Variants in ANKRD12 observed in about 807,000 individuals in gnomAD.
ANKRD12 encodes ankyrin repeat domain 12.
Under a neutral mutation model 183.4 loss-of-function variants are expected in ANKRD12, and 85 were observed. The observed-to-expected ratio is 0.46, with a 90% CI of 0.39 to 0.56. ANKRD12 has a LOEUF of 0.56. ANKRD12 is among the 20% of genes least tolerant of loss of function. ANKRD12 has a pLI of 0.00. For missense variants in ANKRD12, 2,405 were observed against 2,357.1 expected (o/e 1.02, Z -0.42); for synonymous variants, 914 against 800.2 (o/e 1.14, Z -2.40).
At chr18:9,161,285 T>G (rs2031376359) in intron 1 of ANKRD12, among the ~76,000 whole-genome samples, 1 of 152,200 alleles carries the variant, frequency 6.6e-6, no homozygotes, top group Non-Finnish European at 1.5e-5. Flanking sequence ...TCTGAAAACT[T>G]AGTTGTGAAA....
intron 4 of ANKRD12, among the ~76,000 whole-genome samples, chr18:9,206,162 A>T (rs1196403363): frequency 6.6e-6 from 1 of 152,088 alleles, no homozygotes; most frequent in African/African-American, 2.4e-5. Context: ...ATATTTTCTT[A>T]AAAAATCCCT....
intron 2 of ANKRD12, among the ~76,000 whole-genome samples, chr18:9,186,807 A>G (rs1598489254): frequency 1.5e-5 from 2 of 130,806 alleles, no homozygotes; most frequent in African/African-American, 3.0e-5. Flanking sequence ...GCCGGAGTGG[A>G]GTGGCGCGAT....
At chr18:9,232,817 A>C (rs1401828453) in intron 8 of ANKRD12, among the ~76,000 whole-genome samples, 2 of 142,210 alleles carry the variant, frequency 1.4e-5, no homozygotes, top group African/African-American at 5.3e-5. Context: ...TTCTTTCTTT[A>C]TTTTTGTCTG....
chr18:9,217,443 A>G (rs1164110322), intron 7 of ANKRD12, among the ~76,000 whole-genome samples: 1 of 152,198 alleles, frequency 6.6e-6, no homozygotes, highest in East Asian at 1.9e-4. Context: ...CTACATGTAA[A>G]TGCACATTGA....
chr18:9,270,814 A>T (rs1295837940), intron 10 of ANKRD12, among the ~76,000 whole-genome samples: 1 of 152,248 alleles, frequency 6.6e-6, no homozygotes, highest in African/African-American at 2.4e-5. Context: ...TAGAACTTTA[A>T]TAAAAAAATG....
At chr18:9,157,271 T>C (rs1375217710) in intron 1 of ANKRD12, among the ~76,000 whole-genome samples, 1 of 152,118 alleles carries the variant, frequency 6.6e-6, no homozygotes, top group Non-Finnish European at 1.5e-5. Context: ...CAAAATAACA[T>C]GAAGCCTATT....
intron 4 of ANKRD12, among the ~76,000 whole-genome samples, chr18:9,206,010 A>G (rs1028121978): frequency 6.6e-6 from 1 of 152,126 alleles, no homozygotes; most frequent in African/African-American, 2.4e-5. Flanking sequence ...GCAAGACCTA[A>G]AAAGAAAGCA....
intron 6 of ANKRD12, 119 bp from the exon 7 acceptor site, chr18:9,216,638 CT>C (rs1022513627): frequency 1.6e-3 from 1,524 of 941,002 alleles, no homozygotes; most frequent in South Asian, 2.3e-3. Context: ...TTCATCACTC[CT>C]TTTTTTTTGC....
chr18:9,203,278 T>C (rs1390843965), intron 3 of ANKRD12, among the ~76,000 whole-genome samples: 1 of 152,198 alleles, frequency 6.6e-6, no homozygotes, highest in African/African-American at 2.4e-5. Flanking sequence ...CACTAAACTT[T>C]TAGGCTTATC....
intron 8 of ANKRD12, among the ~76,000 whole-genome samples, chr18:9,228,844 C>T (rs1346527903): frequency 6.6e-6 from 1 of 150,854 alleles, no homozygotes; most frequent in African/African-American, 2.4e-5. Flanking sequence ...TTTTTGTTTC[C>T]TGTGCATTTG....
At chr18:9,279,428 A>G (rs2040005933) in intron 11 of ANKRD12, 121 bp from the exon 12 acceptor site, 2 of 629,506 alleles carry the variant, frequency 3.2e-6, no homozygotes, top group Non-Finnish European at 5.6e-6. Flanking sequence ...CAATTTATAT[A>G]TTTCTCAAAA....
chr18:9,237,540 T>C (rs1277318002), intron 8 of ANKRD12, among the ~76,000 whole-genome samples: 1 of 152,220 alleles, frequency 6.6e-6, no homozygotes, highest in Non-Finnish European at 1.5e-5. Context: ...AGCCTCACCA[T>C]AAACTATTGC....
rs2038789529 is a variant in ANKRD12 at position 9,258,695 on chromosome 18, C to G, written c.5428C>G (p.Gln1810Glu). 6.2e-7 allele frequency: 1 copy of G among 1,613,916 alleles called. No homozygotes were observed. Among genetic ancestry groups the G allele is most frequent in the Admixed American group, 1.7e-5 (1 of 59,980 alleles). ...TTTACTACAAGCAAAAGAGAAAACT[C>G]AGCAATCTCTGGCAGCCATTGTAGA... is the stretch of plus-strand genomic sequence containing the variant. ...PSLLQAKEKT[Q>E]QSLAAIVDSL... The change falls in exon 9 of 13, where the codon CAG (glutamine) becomes GAG (glutamate). Residue 1810 changes from glutamine to glutamate, a missense_variant. Physicochemically the swap from Gln to Glu is conservative, Grantham distance 29. This residue lies in a region of ANKRD12 where 1,983 missense variants were observed against 1,725.9 expected (regional missense o/e 1.15). Transcript: ENST00000262126.
intron 2 of ANKRD12, among the ~76,000 whole-genome samples, chr18:9,183,429 T>G (rs1411363728): frequency 1.3e-5 from 2 of 152,232 alleles, no homozygotes; most frequent in African/African-American, 4.8e-5. Flanking sequence ...AGTAGTGCTT[T>G]GTAGTTTTCA....
chr18:9,234,288 G>T (rs1162542845), intron 8 of ANKRD12, among the ~76,000 whole-genome samples: 1 of 152,150 alleles, frequency 6.6e-6, no homozygotes, highest in Non-Finnish European at 1.5e-5. Context: ...CGGCAGAAGG[G>T]ATCCCACTCT....
intron 9 of ANKRD12, among the ~76,000 whole-genome samples, chr18:9,261,348 C>T (rs2038954149): frequency 6.6e-6 from 1 of 152,184 alleles, no homozygotes; most frequent in South Asian, 2.1e-4. Flanking sequence ...AGGTTCACTG[C>T]AGAACTTACC....
chr18:9,245,883 C>T lies in ANKRD12; in HGVS notation c.944-8328C>T, dbSNP rs146366498. Reference sequence around the variant, plus strand: ...GGCATCATTTTATTGGATGTTTATACAGTATATATTTGGTGTCTTTTATAT... The same window carrying T: ...GGCATCATTTTATTGGATGTTTATATAGTATATATTTGGTGTCTTTTATAT... On this transcript the variant is annotated intron_variant, in intron 8 of 12. Transcript: ENST00000262126. Among the ~76,000 whole-genome samples, 65 of 152,230 alleles carry T rather than the reference C, an allele frequency of 4.3e-4. No individual in the cohort carries two copies. In the East Asian group the frequency reaches 0.012, roughly 28 times the overall value.
chr18:9,255,277 A>G lies in ANKRD12; in HGVS notation c.2010A>G (p.Glu670=). 2.5e-6 allele frequency: 4 copies of G among 1,574,114 alleles called. No individual in the cohort carries two copies. The South Asian group carries it at 4.8e-5, about 19-fold the overall frequency. Residue 670 remains glutamate (E), a synonymous_variant, in exon 9 of 13, where the codon GAA becomes GAG. Coordinates refer to ENST00000262126, the MANE Select transcript of ANKRD12 (RefSeq NM_015208.5). ...REKEKHKKEI[E]GEKEKYKTKD... Reference sequence around the variant, plus strand: ...AAGAAAAGCATAAAAAAGAAATTGAAGGTGAAAAGGAAAAATACAAAACTA... The same window carrying G: ...AAGAAAAGCATAAAAAAGAAATTGAGGGTGAAAAGGAAAAATACAAAACTA...
At chr18:9,163,540 TA>T (rs1319859440) in intron 1 of ANKRD12, among the ~76,000 whole-genome samples, 1 of 152,240 alleles carries the variant, frequency 6.6e-6, no homozygotes, top group Non-Finnish European at 1.5e-5. Flanking sequence ...ATATGAATTT[TA>T]AAGTAGTTTT....
Sources: gnomAD v4.1 joint callset for allele counts (sites outside exome capture counted in the v4.1 genomes callset) on GRCh38, gnomAD v4.1.1 for gene constraint, gnomAD v4.1.1 regional missense constraint, MANE v1.5 for transcripts, NCBI Gene and HGNC (gene_info 2026-07-23, HGNC 2026-07-21) for gene names.